PARN: variants seen among roughly 807,000 people sequenced by gnomAD.
The protein encoded by PARN is poly(A)-specific ribonuclease, also known as poly(A)-specific ribonuclease PARN.
A neutral mutation model predicts 102.8 loss-of-function variants in PARN; 71 were observed. The observed-to-expected ratio is 0.69, with a 90% CI of 0.57 to 0.84. PARN has a LOEUF of 0.84. Ranked by LOEUF, PARN falls within the 40% of genes least tolerant of loss-of-function variation. The pLI is 0.00. For synonymous variants in PARN, 261 were observed against 252.9 expected (o/e 1.03, Z -0.30); for missense variants, 782 against 760.9 (o/e 1.03, Z -0.33).
chr16:14,531,539 TAA>T (rs1290070542), intron 21 of PARN, among the ~76,000 whole-genome samples: 1 of 152,204 alleles, frequency 6.6e-6, no homozygotes, highest in Non-Finnish European at 1.5e-5. Flanking sequence ...GGTTCCCAGA[TAA>T]ATTCAATTTG....
chr16:14,500,371 G>C (rs1964521961), intron 21 of PARN, among the ~76,000 whole-genome samples: 1 of 152,042 alleles, frequency 6.6e-6, no homozygotes. Flanking sequence ...AATGGTTTCT[G>C]TAAACTTTAT....
At chr16:14,482,550 G>T in intron 22 of PARN, 88 bp downstream of exon 22, 2 of 1,038,806 alleles carry the variant, frequency 1.9e-6, no homozygotes, top group Non-Finnish European at 2.8e-6. Context: ...CCAAAAGTCA[G>T]ATTTAGTACT....
chr16:14,525,635 G>A (rs1450568957), intron 21 of PARN, among the ~76,000 whole-genome samples: 1 of 152,062 alleles, frequency 6.6e-6, no homozygotes, highest in African/African-American at 2.4e-5. Flanking sequence ...TACCTGCAAA[G>A]GGGCCCTGCA....
At chr16:14,464,308 T>C (rs1189460899) in intron 22 of PARN, among the ~76,000 whole-genome samples, 1 of 152,160 alleles carries the variant, frequency 6.6e-6, no homozygotes, top group Non-Finnish European at 1.5e-5. Flanking sequence ...ACAGAGAAAG[T>C]TGTATTACAT....
intron 18 of PARN, among the ~76,000 whole-genome samples, chr16:14,576,974 C>A (rs535949638): frequency 6.6e-6 from 1 of 152,160 alleles, no homozygotes; most frequent in African/African-American, 2.4e-5. Flanking sequence ...TAAAGCTTCC[C>A]AAAATGGCAT....
chr16:14,624,627 G>C (rs1367757316), intron 5 of PARN, among the ~76,000 whole-genome samples: 1 of 152,222 alleles, frequency 6.6e-6, no homozygotes, highest in Non-Finnish European at 1.5e-5. Flanking sequence ...GTTTAGAACA[G>C]AGTGCCATCG....
At chr16:14,527,340 C>A (rs965098207) in intron 21 of PARN, among the ~76,000 whole-genome samples, 2 of 152,204 alleles carry the variant, frequency 1.3e-5, no homozygotes, top group African/African-American at 4.8e-5. Flanking sequence ...TTCTTCAACC[C>A]TTCTCTATCT....
At chr16:14,502,685 G>C (rs1964686037) in intron 21 of PARN, among the ~76,000 whole-genome samples, 1 of 152,200 alleles carries the variant, frequency 6.6e-6, no homozygotes, top group South Asian at 2.1e-4. Flanking sequence ...TTGGTACCTA[G>C]CAAATATACG....
intron 15 of PARN, 94 bp from the exon 16 acceptor site, chr16:14,584,516 C>T: frequency 2.1e-6 from 2 of 962,298 alleles, no homozygotes; most frequent in South Asian, 2.9e-5. Context: ...AAGACAGCAT[C>T]TAGTACTGTC....
At chr16:14,453,217 G>C (rs1961540827) in intron 22 of PARN, among the ~76,000 whole-genome samples, 1 of 152,120 alleles carries the variant, frequency 6.6e-6, no homozygotes, top group African/African-American at 2.4e-5. Context: ...GACACAACTT[G>C]GTATGTTAAA....
At chr16:14,624,637 G>A (rs1016033494) in intron 5 of PARN, among the ~76,000 whole-genome samples, 6 of 152,328 alleles carry the variant, frequency 3.9e-5, no homozygotes, top group East Asian at 1.9e-4. Flanking sequence ...GAGTGCCATC[G>A]GCCAGATGTG....
At chr16:14,579,982 C>CAAAAAAAAAAA (rs534284469) in intron 18 of PARN, among the ~76,000 whole-genome samples, 1 of 114,188 alleles carries the variant, frequency 8.8e-6, no homozygotes, top group African/African-American at 3.6e-5. Context: ...GACACCATCT[C>CAAAAAAAAAAA]AAAAAAAAAA....
At chr16:14,600,030 C>A in intron 11 of PARN, 70 bp from the exon 12 acceptor site, 1 of 873,656 alleles carries the variant, frequency 1.1e-6, no homozygotes, top group Non-Finnish European at 1.7e-6. Flanking sequence ...AAAAAACTAC[C>A]CCAAAAAAAA....
chr16:14,509,951 T>C (rs543820200), intron 21 of PARN, among the ~76,000 whole-genome samples: 5 of 152,280 alleles, frequency 3.3e-5, no homozygotes, highest in African/African-American at 9.6e-5. Flanking sequence ...GATTCTAACA[T>C]ACTCCTAACA....
chr16:14,504,590 A>G (rs931240536), intron 21 of PARN, among the ~76,000 whole-genome samples: 1 of 152,148 alleles, frequency 6.6e-6, no homozygotes, highest in Non-Finnish European at 1.5e-5. Context: ...AATAAAAATT[A>G]CGTGAGGGAG....
intron 21 of PARN, among the ~76,000 whole-genome samples, chr16:14,530,979 C>T (rs867294806): frequency 6.7e-6 from 1 of 148,960 alleles, no homozygotes; most frequent in African/African-American, 2.5e-5. Context: ...ATTCATTCAT[C>T]CATCCATCCA....
intron 21 of PARN, among the ~76,000 whole-genome samples, chr16:14,527,193 A>T (rs1055592797): frequency 7.9e-5 from 12 of 152,218 alleles, no homozygotes; most frequent in African/African-American, 2.9e-4. Flanking sequence ...GGGGAATCCA[A>T]ATGAGAGTAA....
chr16:14,584,623 A>G, intron 15 of PARN, 126 bp downstream of exon 15: 2 of 791,176 alleles, frequency 2.5e-6, no homozygotes, highest in Non-Finnish European at 4.2e-6. Flanking sequence ...AGTATAACCA[A>G]ATGAATAAAG....
At chr16:14,531,648 G>A (rs1348095370) in intron 21 of PARN, among the ~76,000 whole-genome samples, 5 of 152,064 alleles carry the variant, frequency 3.3e-5, no homozygotes, top group African/African-American at 7.2e-5. Context: ...GGGTACGTCC[G>A]TCAATTTCAT....
Sources: gnomAD v4.1 joint callset for allele counts (sites outside exome capture counted in the v4.1 genomes callset) on GRCh38, gnomAD v4.1.1 for gene constraint, MANE v1.5 for transcripts, NCBI Gene and HGNC (gene_info 2026-07-23, HGNC 2026-07-21) for gene names.